Variants in KLHL8 observed in about 807,000 individuals in gnomAD.
The protein encoded by KLHL8 is kelch-like protein 8.
KLHL8 carries 38 observed loss-of-function variants against 63.5 expected under a neutral mutation model. That is an observed-to-expected ratio of 0.60 (90% confidence interval 0.46 to 0.78). The LOEUF (loss-of-function observed/expected upper bound fraction) is 0.78. KLHL8 is among the 30% of genes least tolerant of loss of function. KLHL8 has a pLI of 0.00. For synonymous variants in KLHL8, 224 were observed against 254.3 expected (o/e 0.88, Z 1.13); for missense variants, 566 against 752.4 (o/e 0.75, Z 2.90).
At position 87,160,180 on chromosome 4, in the gene KLHL8, A is replaced by G. The variant is rs1312016089; in HGVS notation, c.*3339T>C. 1 of 152,188 alleles carries G rather than the reference A, an allele frequency of 6.6e-6. No homozygotes were observed. Among genetic ancestry groups the G allele is most frequent in the Admixed American group, 6.5e-5 (1 of 15,278 alleles). The allele number at this position is 152,188 out of a possible 1,614,324, so 9.4% of individuals were successfully genotyped here. A position where few individuals can be genotyped will look rare whatever the true frequency, so the allele number is the denominator to read the frequency against. The stretch of plus-strand genomic sequence containing the variant: ...GTGACCCCAACTTTTTGATATCCAT[A>G]GTTGGTGATATATATGACCACTTAT... On this transcript the variant is annotated 3_prime_UTR_variant, in exon 10 of 10. Coordinates refer to ENST00000273963, the MANE Select transcript of KLHL8 (RefSeq NM_020803.5).
At chr4:87,178,384 G>T in intron 5 of KLHL8, 93 bp downstream of exon 5, 1 of 1,272,104 alleles carries the variant, frequency 7.9e-7, no homozygotes, top group Non-Finnish European at 1.1e-6. Context: ...TTACAATTTA[G>T]TCATTTTCTT....
chr4:87,184,044 A>G (rs1180221925), intron 3 of KLHL8, among the ~76,000 whole-genome samples: 2 of 152,158 alleles, frequency 1.3e-5, no homozygotes, highest in African/African-American at 2.4e-5. Flanking sequence ...GCACACACAC[A>G]CGTAAGGGGT....
chr4:87,198,149 T>C (rs1489761774), intron 1 of KLHL8, among the ~76,000 whole-genome samples: 4 of 151,606 alleles, frequency 2.6e-5, no homozygotes, highest in African/African-American at 9.7e-5. Flanking sequence ...CAAAACCCCG[T>C]CTCTACTAAA....
chr4:87,228,885 C>T (rs1733083127), intron 1 of KLHL8, among the ~76,000 whole-genome samples: 1 of 152,182 alleles, frequency 6.6e-6, no homozygotes, highest in African/African-American at 2.4e-5. Context: ...AGTCATGAAG[C>T]CACAATCTAC....
intron 1 of KLHL8, chr4:87,208,015 A>G (rs1224699043): frequency 1.0e-5 from 7 of 694,000 alleles, no homozygotes; most frequent in Non-Finnish European, 1.9e-5. Flanking sequence ...TGTCAAGATC[A>G]TTTCTTGGTA....
intron 1 of KLHL8, among the ~76,000 whole-genome samples, chr4:87,210,328 A>C (rs1159405131): frequency 6.6e-6 from 1 of 152,104 alleles, no homozygotes; most frequent in Admixed American, 6.5e-5. Flanking sequence ...AAAACACAAA[A>C]AACTTAGCCA....
At chr4:87,187,532 T>C (rs2109998623) in intron 2 of KLHL8, among the ~76,000 whole-genome samples, 1 of 152,148 alleles carries the variant, frequency 6.6e-6, no homozygotes, top group Non-Finnish European at 1.5e-5. Context: ...TCATATATAT[T>C]TCAAACTTCT....
chr4:87,212,593 A>G (rs1310624835), intron 1 of KLHL8, among the ~76,000 whole-genome samples: 1 of 152,142 alleles, frequency 6.6e-6, no homozygotes, highest in Non-Finnish European at 1.5e-5. Context: ...AAAGAAAAAA[A>G]AAAATTTTCT....
rs780115666 is a variant in KLHL8, at chr4:87,176,877, TAG to T, written c.1097-11_1097-10del. The T allele has an allele frequency of 1.2e-5, 18 of 1,443,644 alleles. No homozygotes were observed. In the South Asian group the frequency reaches 2.1e-4, roughly 17 times the overall value. The allele number at this position is 1,443,644 out of a possible 1,614,324, so 89.4% of individuals were successfully genotyped here. ...TACTGCATACACTTTACCTGTCAAA[TAG>T]AGAAGTATTTTCATTTGACTCCAAA... is the stretch of plus-strand genomic sequence containing the variant. On this transcript the variant is annotated splice_polypyrimidine_tract_variant and intron_variant, in intron 5 of 9. Transcript: ENST00000273963.
chr4:87,224,065 T>A (rs562981512), upstream of KLHL8, among the ~76,000 whole-genome samples: 1 of 152,272 alleles, frequency 6.6e-6, no homozygotes, highest in East Asian at 1.9e-4. Flanking sequence ...ATTTGCATTT[T>A]TTTTTTTTAA....
chr4:87,188,892 A>C (rs1395872039), intron 2 of KLHL8, among the ~76,000 whole-genome samples: 1 of 152,234 alleles, frequency 6.6e-6, no homozygotes, highest in African/African-American at 2.4e-5. Context: ...ATACTACTTA[A>C]TTTTCTAATT....
intron 3 of KLHL8, among the ~76,000 whole-genome samples, chr4:87,183,817 A>G (rs17012532): frequency 0.15 from 22,560 of 152,200 alleles, 3,520 homozygotes; most frequent in African/African-American, 0.39. Flanking sequence ...AAGATTAAAC[A>G]TAGGGAAATG....
intron 1 of KLHL8, among the ~76,000 whole-genome samples, chr4:87,213,001 AAAGCCTGCTTGTTAAATACT>A (rs1333031119): frequency 6.6e-6 from 1 of 152,242 alleles, no homozygotes; most frequent in Non-Finnish European, 1.5e-5. Flanking sequence ...TACTATTATC[AAAGCCTGCTTGTTAAATACT>A]AATGTCATTT....
In KLHL8 at chr4:87,185,853, T is replaced by C. The variant is rs538007479; in HGVS notation, c.217-54A>G. On this transcript the variant is annotated intron_variant, in intron 2 of 9. Coordinates refer to ENST00000273963, the MANE Select transcript of KLHL8 (RefSeq NM_020803.5). ...GTTTAATATCAAAATCAGCTTCAGG[T>C]CAGCATTTAACATGTGTTTGTAGCA... is the stretch of plus-strand genomic sequence containing the variant. 3.5e-6 allele frequency: 5 copies of C among 1,430,826 alleles called. No homozygotes were observed. In the South Asian group the frequency reaches 7.2e-5, roughly 21 times the overall value. The allele number at this position is 1,430,826 out of a possible 1,614,324, so 88.6% of individuals were successfully genotyped here.
intron 1 of KLHL8, among the ~76,000 whole-genome samples, chr4:87,206,642 C>G (rs1560712253): frequency 6.6e-6 from 1 of 152,182 alleles, no homozygotes; most frequent in Non-Finnish European, 1.5e-5. Flanking sequence ...TAAGTCCATT[C>G]TTTTTCTACT....
At chr4:87,183,045 G>T (rs1290727127) in intron 4 of KLHL8, among the ~76,000 whole-genome samples, 158 bp downstream of exon 4, 1 of 152,120 alleles carries the variant, frequency 6.6e-6, no homozygotes, top group Non-Finnish European at 1.5e-5. Context: ...ACTAAATAAT[G>T]TACAGTAAAA....
chr4:87,181,584 G>A (rs755755015), intron 4 of KLHL8, among the ~76,000 whole-genome samples: 2 of 150,030 alleles, frequency 1.3e-5, no homozygotes, highest in African/African-American at 2.4e-5. Context: ...TAGGAACATC[G>A]TATGGAAGGA....
Position 87,170,170 on chromosome 4 carries a change from T to G in KLHL8, c.1446A>C (p.Pro482=), listed in dbSNP as rs1165815654. 6.2e-7 allele frequency: 1 copy of G among 1,614,042 alleles called. No homozygotes were observed. Among genetic ancestry groups the G allele is most frequent in the East Asian group, 2.2e-5 (1 of 44,874 alleles). The change falls in exon 8 of 10, where the codon CCA becomes CCC. Residue 482 remains proline, a synonymous_variant. Transcript: ENST00000273963. ...TAACTTCTATCCACTTATCCAGATG[T>G]GGATCATATCTCTCCACGCTAGATA... The part of the protein sequence containing the change: ...ASLSSVERYD[P]HLDKWIEVKE...
chr4:87,222,054 A>T (rs369995502), upstream of KLHL8, among the ~76,000 whole-genome samples: 7 of 152,294 alleles, frequency 4.6e-5, no homozygotes, highest in African/African-American at 1.7e-4. Context: ...CTGCCTCTCA[A>T]TTCTTTGTCT....
Sources: allele counts gnomAD v4.1 joint callset (sites outside exome capture counted in the v4.1 genomes callset), GRCh38; gene constraint gnomAD v4.1.1; transcripts MANE v1.5; gene names NCBI Gene and HGNC (gene_info 2026-07-23, HGNC 2026-07-21).